Variants in SLC25A1 observed in about 807,000 individuals in gnomAD.
SLC25A1 encodes the protein tricarboxylate transport protein, mitochondrial.
SLC25A1 carries 26 observed loss-of-function variants against 38.1 expected under a neutral mutation model. That is an observed-to-expected ratio of 0.68 (90% CI 0.50 to 0.95). The LOEUF is 0.95. SLC25A1 is among the 40% of genes least tolerant of loss of function. The pLI, the probability that SLC25A1 is intolerant of heterozygous loss-of-function variation, is 0.00. For synonymous variants in SLC25A1, 211 were observed against 183.2 expected (o/e 1.15, Z -1.23); for missense variants, 378 against 426.6 (o/e 0.89, Z 1.00).
At chr22:19,177,062 G>C in intron 5 of SLC25A1, 58 bp downstream of exon 5, 1 of 1,575,120 alleles carries the variant, frequency 6.3e-7, no homozygotes, top group Non-Finnish European at 8.7e-7. Context: ...GGGAGGTGCA[G>C]GCCCTTCCCA....
rs1398379158 is a variant in SLC25A1 at position 19,177,995 on chromosome 22, C to G, written c.249G>C (p.Leu83=). ...AGAGCAGGGAGCTAAGGCCGCGGTA[C>G]AGGCCCAGGACGCCATGGCTGCGAA... ...QTVRSHGVLG[L]YRGLSSLLYG... The change falls in exon 3 of 9, where the codon CTG becomes CTC. Residue 83 remains leucine (L), a synonymous_variant. Transcript: ENST00000215882. 6.2e-7 allele frequency: 1 copy of G among 1,604,188 alleles called. No homozygotes were observed. Among genetic ancestry groups the G allele is most frequent in the East Asian group, 2.2e-5 (1 of 44,478 alleles).
At position 19,178,534 on chromosome 22, in the gene SLC25A1, C is replaced by T. The variant is rs1203245082; in HGVS notation, c.94+46G>A. 2.4e-6 allele frequency: 3 copies of T among 1,271,758 alleles called. No individual in the cohort carries two copies. Among genetic ancestry groups the T allele is most frequent in the African/African-American group, 1.6e-5 (1 of 64,086 alleles). 78.8% of individuals were successfully genotyped at this position (1,271,758 alleles called of 1,614,324 possible). ...GCGGGGCCTCAGCGTCCCGGGCCCA[C>T]CCAGAAGCGCGGCGGGAGAGGGGTC... On this transcript the variant is annotated intron_variant, in intron 1 of 8. Transcript: ENST00000215882. This position sits in a 1 kb window ranked among gnomAD's most constrained non-coding sequence, Gnocchi z 4.9.
intron 4 of SLC25A1, 101 bp downstream of exon 4, chr22:19,177,626 C>G: frequency 6.6e-7 from 1 of 1,520,080 alleles, no homozygotes; most frequent in Non-Finnish European, 8.9e-7. Context: ...GTCCAGGAGA[C>G]CCTCCCCAGC....
Position 19,176,199 on chromosome 22 carries a change from A to G in SLC25A1, c.867T>C (p.Asp289=). 1.2e-6 allele frequency: 2 copies of G among 1,613,638 alleles called. No homozygotes were observed. Among genetic ancestry groups the G allele is most frequent in the Non-Finnish European group, 1.7e-6 (2 of 1,179,998 alleles). The change falls in exon 9 of 9, where the codon GAT becomes GAC. Residue 289 remains aspartate (D), a synonymous_variant. Transcript: ENST00000215882. ...TVPRLGRVCL[D]VAIVFVIYDE... ...CATAGATGACAAACACTATGGCCACATCCAGGCAGACCCGGCCCAGGCGGG... is the reference window on the plus strand; with the variant it reads ...CATAGATGACAAACACTATGGCCACGTCCAGGCAGACCCGGCCCAGGCGGG...
Position 19,175,804 on chromosome 22 carries a change from T to C in SLC25A1, c.*326A>G. The C allele has an allele frequency of 4.5e-6, 1 of 220,770 alleles. No individual in the cohort carries two copies. The highest frequency in any genetic ancestry group is 6.0e-5 in the Admixed American group (1 of 16,784). 13.7% of individuals were successfully genotyped at this position (220,770 alleles called of 1,614,324 possible). A position where few individuals can be genotyped will look rare whatever the true frequency, so the allele number is the denominator to read the frequency against. ...CACCGGACTGGGACCGGGCCAGGGCTACAGGGCCGAGGACCCAGGCCACAC... is the reference window on the plus strand; with the variant it reads ...CACCGGACTGGGACCGGGCCAGGGCCACAGGGCCGAGGACCCAGGCCACAC... On this transcript the variant is annotated 3_prime_UTR_variant, in exon 9 of 9. Transcript: ENST00000215882.
In SLC25A1 at chr22:19,176,514, G is replaced by C; in HGVS notation, c.748-20C>G. ...CAGGCCCTATGGGGGACATCAGCAG[G>C]CAGGGGCTCAGCAGCTAGCTCTGGC... On this transcript the variant is annotated intron_variant, in intron 7 of 8. Coordinates refer to ENST00000215882, the MANE Select transcript of SLC25A1 (RefSeq NM_005984.5). The C allele has an allele frequency of 2.5e-6, 4 of 1,613,402 alleles. No individual in the cohort carries two copies. Among genetic ancestry groups the C allele is most frequent in the Non-Finnish European group, 3.4e-6 (4 of 1,179,656 alleles).
Position 19,176,511 on chromosome 22 carries a change from C to G in SLC25A1, c.748-17G>C. 2.5e-6 allele frequency: 4 copies of G among 1,613,644 alleles called. No homozygotes were observed. Among genetic ancestry groups the G allele is most frequent in the Non-Finnish European group, 3.4e-6 (4 of 1,179,870 alleles). ...CTCCAGGCCCTATGGGGGACATCAG[C>G]AGGCAGGGGCTCAGCAGCTAGCTCT... On this transcript the variant is annotated splice_polypyrimidine_tract_variant and intron_variant, in intron 7 of 8. Coordinates refer to ENST00000215882, the MANE Select transcript of SLC25A1 (RefSeq NM_005984.5).
chr22:19,176,737 G>A (rs782069940), intron 6 of SLC25A1, 44 bp from the exon 7 acceptor site: 110 of 1,594,872 alleles, frequency 6.9e-5, no homozygotes, highest in Admixed American at 8.3e-5. Flanking sequence ...TGCCGGGAGG[G>A]GCCTGGATCA....
Position 19,178,239 on chromosome 22 carries a change from G to T in SLC25A1, c.96C>A (p.Gly32=). 5 of 1,546,842 alleles carry T rather than the reference G, an allele frequency of 3.2e-6. No individual in the cohort carries two copies. The highest frequency in any genetic ancestry group is 3.5e-6 in the Non-Finnish European group (4 of 1,145,790). Residue 32 remains glycine (G), a splice_region_variant and synonymous_variant, in exon 2 of 9, where the codon GGC becomes GGA. Transcript: ENST00000215882. This position sits in a 1 kb window ranked among gnomAD's most constrained non-coding sequence, Gnocchi z 4.9. ...LTHPGKAILA[G]GLAGGIEICI... is the part of the protein sequence containing the mutation. ...AGATCTCGATGCCACCCGCCAGGCCGCCTGCAGGGACCGGGAACCCGCTCC... is the reference window on the plus strand; with the variant it reads ...AGATCTCGATGCCACCCGCCAGGCCTCCTGCAGGGACCGGGAACCCGCTCC...
Position 19,178,464 on chromosome 22 carries a change from C to T in SLC25A1, c.94+116G>A, listed in dbSNP as rs1048791814. On this transcript the variant is annotated intron_variant, in intron 1 of 8. Coordinates refer to ENST00000215882, the MANE Select transcript of SLC25A1 (RefSeq NM_005984.5). This position sits in a 1 kb window ranked among gnomAD's most constrained non-coding sequence, Gnocchi z 4.9. ...CAGCGCGCCGGGTGGGGACCAGGACCGCGCCTCCACGACTCCCCAGCCCAC... is the reference window on the plus strand; with the variant it reads ...CAGCGCGCCGGGTGGGGACCAGGACTGCGCCTCCACGACTCCCCAGCCCAC... The T allele has an allele frequency of 1.5e-5, 20 of 1,349,382 alleles. No individual in the cohort carries two copies. In the African/African-American group the frequency reaches 2.3e-4, roughly 16 times the overall value. 83.6% of individuals were successfully genotyped at this position (1,349,382 alleles called of 1,614,324 possible).
At chr22:19,177,295 G>A in intron 4 of SLC25A1, 91 bp from the exon 5 acceptor site, 1 of 1,019,146 alleles carries the variant, frequency 9.8e-7, no homozygotes, top group Non-Finnish European at 1.5e-6. Flanking sequence ...CAGGGTGGAG[G>A]GAACTGGGAA....
Position 19,176,009 on chromosome 22 carries a change from G to A in SLC25A1, c.*121C>T. 1 of 728,762 alleles carries A rather than the reference G, an allele frequency of 1.4e-6. No individual in the cohort carries two copies. Among genetic ancestry groups the A allele is most frequent in the South Asian group, 1.5e-5 (1 of 65,180 alleles). 45.1% of individuals were successfully genotyped at this position (728,762 alleles called of 1,614,324 possible). ...TTGACAGCCACAATGCACAGACCAG[G>A]CTACAGAGCTCGAGGGACGTGGGAA... On this transcript the variant is annotated 3_prime_UTR_variant, in exon 9 of 9. Coordinates refer to ENST00000215882, the MANE Select transcript of SLC25A1 (RefSeq NM_005984.5).
chr22:19,176,340 TGAAGGGGA>T, intron 8 of SLC25A1, 73 bp downstream of exon 8: 2 of 1,566,092 alleles, frequency 1.3e-6, no homozygotes, highest in Non-Finnish European at 1.8e-6. Context: ...CACAGAGGCC[TGAAGGGGA>T]CAGAGTGGGC....
chr22:19,176,163 C>T lies in SLC25A1; in HGVS notation c.903G>A (p.Val301=), dbSNP rs371968176. 8.1e-6 allele frequency: 13 copies of T among 1,613,876 alleles called. No homozygotes were observed. The African/African-American group carries it at 1.3e-4, about 17-fold the overall frequency. Residue 301 remains valine, a synonymous_variant, in exon 9 of 9, where the codon GTG becomes GTA. Transcript: ENST00000215882. ...TCTTCCACACTTTGTTGAGCAGCTT[C>T]ACCACTTCATCATAGATGACAAACA... ...AIVFVIYDEV[V]KLLNKVWKTD
intron 5 of SLC25A1, 67 bp from the exon 6 acceptor site, chr22:19,177,017 G>A: frequency 7.6e-6 from 12 of 1,584,340 alleles, no homozygotes; most frequent in South Asian, 6.6e-5. Flanking sequence ...TGGTGTGTGT[G>A]GGGGGTGGGT....
intron 4 of SLC25A1, 53 bp downstream of exon 4, chr22:19,177,674 G>A (rs1351767461): frequency 1.3e-6 from 2 of 1,596,142 alleles, no homozygotes; most frequent in Non-Finnish European, 1.7e-6. Flanking sequence ...CAGCGGGGCC[G>A]CCCGTCTCCG....
intron 4 of SLC25A1, 115 bp from the exon 5 acceptor site, chr22:19,177,319 A>C (rs959544000): frequency 3.4e-6 from 3 of 872,998 alleles, no homozygotes; most frequent in Non-Finnish European, 3.6e-6. Flanking sequence ...TTCCCCAGGA[A>C]GCAGTGCAGC....
chr22:19,178,411 G>A lies in SLC25A1; in HGVS notation c.94+169C>T. On this transcript the variant is annotated intron_variant, in intron 1 of 8. Transcript: ENST00000215882. This position sits in a 1 kb window ranked among gnomAD's most constrained non-coding sequence, Gnocchi z 4.9. Reference sequence around the variant, plus strand: ...CCCCGTTGTCCCGGCGAGGCGCAGGGGGTGACAGACGGGAGGCGGGCGAGT... The same window carrying A: ...CCCCGTTGTCCCGGCGAGGCGCAGGAGGTGACAGACGGGAGGCGGGCGAGT... 1 of 1,385,654 alleles carries A rather than the reference G, an allele frequency of 7.2e-7. No homozygotes were observed. The highest frequency in any genetic ancestry group is 9.3e-7 in the Non-Finnish European group (1 of 1,074,894). The allele number at this position is 1,385,654 out of a possible 1,614,324, so 85.8% of individuals were successfully genotyped here. A position where few individuals can be genotyped will look rare whatever the true frequency, so the allele number is the denominator to read the frequency against.
rs1343753699 is a variant in SLC25A1 at position 19,175,918 on chromosome 22, T to C, written c.*212A>G. On this transcript the variant is annotated 3_prime_UTR_variant, in exon 9 of 9. Transcript: ENST00000215882. ...CATAGGCCAGATGCACATCCAGCCA[T>C]GGCTGGGCCAGACACTGGGACACAG... 2.6e-4 allele frequency: 40 copies of C among 152,416 alleles called. No homozygotes were observed. The highest frequency in any genetic ancestry group is 3.8e-4 in the Non-Finnish European group (38 of 100,510). The allele number at this position is 152,416 out of a possible 1,614,324, so 9.4% of individuals were successfully genotyped here.
Sources: gnomAD v4.1 joint callset for allele counts on GRCh38, gnomAD v4.1.1 for gene constraint, Gnocchi (gnomAD v3.1) non-coding constraint, MANE v1.5 for transcripts, NCBI Gene and HGNC (gene_info 2026-07-23, HGNC 2026-07-21) for gene names.